Variants in KIF27 observed in about 807,000 individuals in gnomAD.
The protein encoded by KIF27 is kinesin-like protein KIF27.
In KIF27, 84 loss-of-function variants were observed where a neutral mutation model predicts 141.8. The ratio of observed to expected loss-of-function variants is 0.59; its 90% CI spans 0.50 to 0.71. The LOEUF is 0.71. Ranked by LOEUF, KIF27 falls within the 30% of genes least tolerant of loss-of-function variation. The pLI is 0.00. For synonymous variants in KIF27, 471 were observed against 569.5 expected, an observed-to-expected ratio of 0.83 and a Z score of 2.46; for missense variants, 1,306 against 1,628.4, an observed-to-expected ratio of 0.80 and a Z score of 3.41.
intron 15 of KIF27, among the ~76,000 whole-genome samples, chr9:83,850,839 T>C (rs1241509438): frequency 1.1e-3 from 120 of 112,364 alleles, no homozygotes; most frequent in African/African-American, 4.4e-3. Flanking sequence ...TCTTTTTTTT[T>C]TTTTTTTTTT....
intron 15 of KIF27, among the ~76,000 whole-genome samples, chr9:83,851,870 C>G (rs1948622313): frequency 6.6e-6 from 1 of 152,212 alleles, no homozygotes; most frequent in Non-Finnish European, 1.5e-5. Flanking sequence ...TGGCTCACAC[C>G]TGTAATCCCA....
At chr9:83,902,675 A>T (rs1353091003) in intron 4 of KIF27, among the ~76,000 whole-genome samples, 1 of 152,210 alleles carries the variant, frequency 6.6e-6, no homozygotes, top group Non-Finnish European at 1.5e-5. Context: ...TATTTCCGAA[A>T]CAAGTTTATT....
intron 2 of KIF27, 58 bp from the exon 3 acceptor site, chr9:83,908,710 C>A: frequency 2.8e-6 from 3 of 1,056,100 alleles, no homozygotes; most frequent in East Asian, 5.0e-5. Flanking sequence ...AAAGCTACAA[C>A]CCCAAATTTA....
intron 14 of KIF27, among the ~76,000 whole-genome samples, chr9:83,856,345 G>A (rs1047436620): frequency 5.2e-4 from 79 of 152,072 alleles, no homozygotes; most frequent in Non-Finnish European, 1.8e-4. Flanking sequence ...GTGGTTCAAG[G>A]CCTGTAAACC....
chr9:83,848,295 GATATGATATATATGATATATCAT>G (rs796710453), intron 16 of KIF27, among the ~76,000 whole-genome samples: 32 of 61,386 alleles, frequency 5.2e-4, no homozygotes, highest in Non-Finnish European at 6.9e-4. Context: ...TGATATATCA[GATATGATATATATGATATATCAT>G]ATATCTATAT....
chr9:83,848,608 AT>A (rs1948153987), intron 16 of KIF27: 1 of 148,490 alleles, frequency 6.7e-6, no homozygotes, highest in Admixed American at 6.8e-5. Flanking sequence ...ATATGCATAT[AT>A]GCATATATGA....
chr9:83,852,295 C>CA (rs1948693879), intron 15 of KIF27, among the ~76,000 whole-genome samples: 1 of 148,988 alleles, frequency 6.7e-6, no homozygotes, highest in African/African-American at 2.5e-5. Context: ...AAAAAAAATA[C>CA]AAAAAAAATT....
intron 5 of KIF27, among the ~76,000 whole-genome samples, chr9:83,898,093 C>A (rs2132486404): frequency 6.6e-6 from 1 of 152,066 alleles, no homozygotes; most frequent in South Asian, 2.1e-4. Context: ...CTCTTAGGCA[C>A]AAATCTGAAA....
In KIF27 at chr9:83,903,041, ATAAG is replaced by A; in HGVS notation, c.1458+15_1458+18del. The A allele has an allele frequency of 7.0e-7, 1 of 1,431,324 alleles. No homozygotes were observed. Among genetic ancestry groups the A allele is most frequent in the Middle Eastern group, 1.8e-4 (1 of 5,432 alleles). 88.7% of individuals were successfully genotyped at this position (1,431,324 alleles called of 1,614,324 possible). On this transcript the variant is annotated intron_variant, in intron 4 of 17. Transcript: ENST00000297814. ...ATCAATAAAATAAATAAATAAATAA[ATAAG>A]TGATGTCTAAGTACCTGGCATTTCT...
At chr9:83,881,386 A>C (rs553833640) in intron 10 of KIF27, among the ~76,000 whole-genome samples, 1 of 152,374 alleles carries the variant, frequency 6.6e-6, no homozygotes, top group South Asian at 2.1e-4. Flanking sequence ...GACCACAATT[A>C]ATTATTTCCT....
chr9:83,861,275 A>C (rs1363222955), intron 13 of KIF27, among the ~76,000 whole-genome samples: 1 of 151,810 alleles, frequency 6.6e-6, no homozygotes, highest in East Asian at 1.9e-4. Context: ...GGTGTGCTGC[A>C]CCCATTAACT....
intron 2 of KIF27, among the ~76,000 whole-genome samples, chr9:83,909,820 G>T (rs1444654387): frequency 2.6e-5 from 4 of 151,978 alleles, no homozygotes; most frequent in Admixed American, 6.6e-5. Flanking sequence ...CCCAGCACAT[G>T]GGGAGGCCGA....
Position 83,883,819 on chromosome 9 carries a change from T to G in KIF27, c.2439A>C (p.Arg813Ser), listed in dbSNP as rs1160891774. The G allele has an allele frequency of 6.2e-7, 1 of 1,606,586 alleles. No individual in the cohort carries two copies. The highest frequency in any genetic ancestry group is 2.2e-5 in the East Asian group (1 of 44,832). ...FRKKMDAAKL[R>S]VQVLQKKQQD... ...ATTACATTTTTTAAATTACCTGAAC[T>G]CTCAGCTTTGCAGCATCCATCTTTT... The change falls in exon 10 of 18, where the codon AGA becomes AGC. Residue 813 changes from arginine (R) to serine (S), a missense_variant. Coordinates refer to ENST00000297814, the MANE Select transcript of KIF27 (RefSeq NM_017576.4).
rs147814329 is a variant in KIF27, at chr9:83,837,641, G to C, written c.3722-156C>G. 5.5e-3 allele frequency: 3,150 copies of C among 567,978 alleles called. 97 individuals carry two copies. The African/African-American group carries it at 0.056, about 10-fold the overall frequency. The allele number at this position is 567,978 out of a possible 1,614,324, so 35.2% of individuals were successfully genotyped here. On this transcript the variant is annotated intron_variant, in intron 17 of 17. Coordinates refer to ENST00000297814, the MANE Select transcript of KIF27 (RefSeq NM_017576.4). ...TGACTTATTTTAGATGAACAGATGTGTGAATATGAATATTTTTATTTCACT... is the reference window on the plus strand; with the variant it reads ...TGACTTATTTTAGATGAACAGATGTCTGAATATGAATATTTTTATTTCACT...
rs752987077 is a variant in KIF27, at chr9:83,853,672, C to G, written c.3314G>C (p.Ser1105Thr). Reference protein sequence around the residue: ...ANVLEKLACLSPVEIRTILFR... With the variant: ...ANVLEKLACLTPVEIRTILFR... ...AAGAATAGTTCTAATCTCAACAGGACTCAGGCAAGCTAGCTTTTCCAAGAC... is the reference window on the plus strand; with the variant it reads ...AAGAATAGTTCTAATCTCAACAGGAGTCAGGCAAGCTAGCTTTTCCAAGAC... Residue 1105 changes from serine to threonine, a missense_variant, in exon 15 of 18, where the codon AGT becomes ACT. Physicochemically the swap from Ser to Thr is moderately conservative, Grantham distance 58 (BLOSUM62 1). This residue lies in a region of KIF27 where 596 missense variants were observed against 751.6 expected (regional missense o/e 0.79). Transcript: ENST00000297814. The G allele has an allele frequency of 1.2e-6, 2 of 1,613,724 alleles. No homozygotes were observed. The highest frequency in any genetic ancestry group is 2.7e-5 in the African/African-American group (2 of 74,910).
At chr9:83,894,980 T>G (rs1953042914) in intron 5 of KIF27, among the ~76,000 whole-genome samples, 1 of 151,754 alleles carries the variant, frequency 6.6e-6, no homozygotes, top group Non-Finnish European at 1.5e-5. Flanking sequence ...GCACTGTGGC[T>G]CACACCTGTA....
chr9:83,867,886 A>T, intron 12 of KIF27, 26 bp from the exon 13 acceptor site: 1 of 1,554,490 alleles, frequency 6.4e-7, no homozygotes. Context: ...AAAAAAAGTT[A>T]CTTGTTTTTC....
intron 10 of KIF27, among the ~76,000 whole-genome samples, chr9:83,883,175 C>A (rs560053200): frequency 2.8e-4 from 42 of 151,892 alleles, no homozygotes; most frequent in Non-Finnish European, 4.9e-4. Context: ...AAGCAGTAGA[C>A]CATGAGAGAT....
intron 12 of KIF27, among the ~76,000 whole-genome samples, chr9:83,869,941 A>G (rs1214781020): frequency 6.6e-6 from 1 of 152,226 alleles, no homozygotes; most frequent in Non-Finnish European, 1.5e-5. Flanking sequence ...CTACTTGGGC[A>G]ACAGGATTAT....
Sources: gnomAD v4.1 joint callset for allele counts (sites outside exome capture counted in the v4.1 genomes callset) on GRCh38, gnomAD v4.1.1 for gene constraint, gnomAD v4.1.1 regional missense constraint, MANE v1.5 for transcripts, NCBI Gene and HGNC (gene_info 2026-07-23, HGNC 2026-07-21) for gene names.